The following CHODL variants were observed in gnomAD, a reference collection of about 807,000 sequenced individuals.
The protein encoded by CHODL is transmembrane protein MT75.
In CHODL, 29 loss-of-function variants were observed where a neutral mutation model predicts 34.5. That is an observed-to-expected ratio of 0.84 (90% confidence interval 0.63 to 1.15). The LOEUF (loss-of-function observed/expected upper bound fraction) is 1.15. Ranked by LOEUF, CHODL falls within the 50% of genes most tolerant of loss-of-function variation. CHODL has a pLI of 0.00. For synonymous variants in CHODL, 125 were observed against 116.1 expected, an observed-to-expected ratio of 1.08 and a Z score of -0.49; for missense variants, 332 against 332.5, an observed-to-expected ratio of 1.00 and a Z score of 0.01.
chr21:18,109,023 G>C (rs2065313813), intron 2 of CHODL, among the ~76,000 whole-genome samples: 1 of 143,312 alleles, frequency 7.0e-6, no homozygotes, highest in African/African-American at 2.6e-5. Context: ...GCAGAATGTT[G>C]ACTAAAATTT....
At chr21:18,132,070 CT>C (rs1255073704) in intron 2 of CHODL, among the ~76,000 whole-genome samples, 1 of 151,882 alleles carries the variant, frequency 6.6e-6, no homozygotes, top group Non-Finnish European at 1.5e-5. Flanking sequence ...TAATATTTCT[CT>C]TTGTCAAAGT....
chr21:18,235,134 G>A (rs1221219064), intron 2 of CHODL, among the ~76,000 whole-genome samples: 1 of 152,078 alleles, frequency 6.6e-6, no homozygotes, highest in Non-Finnish European at 1.5e-5. Flanking sequence ...TGTGAAAGCA[G>A]AATGTGGACA....
rs926302351 is a variant in CHODL at position 18,189,661 on chromosome 21, G to C, written c.-44-66848G>C. ...TTTTTTTTTTTTTTTTTGAGATAGA[G>C]TCTCGCTCTGTCACCTCGGCTGGAG... is the stretch of plus-strand genomic sequence containing the variant. On this transcript the variant is annotated intron_variant, in intron 2 of 6. Coordinates refer to the CHODL transcript ENST00000400127. Among the ~76,000 whole-genome samples, 3 of 130,636 alleles carry C rather than the reference G, an allele frequency of 2.3e-5. No individual in the cohort carries two copies. In the Admixed American group the frequency reaches 2.7e-4, roughly 12 times the overall value. 85.7% of individuals were successfully genotyped at this position (130,636 alleles called of 152,430 possible).
intron 1 of CHODL, among the ~76,000 whole-genome samples, chr21:18,251,553 ATTTATTT>A (rs1211286641): frequency 0.024 from 244 of 10,200 alleles, 9 homozygotes; most frequent in African/African-American, 0.12. Flanking sequence ...ATATATAAAT[ATTTATTT>A]TATTTATTTA....
At chr21:17,989,025 G>A (rs1219352179) in intron 1 of CHODL, among the ~76,000 whole-genome samples, 2 of 152,114 alleles carry the variant, frequency 1.3e-5, no homozygotes, top group African/African-American at 4.8e-5. Flanking sequence ...TGCCAAATGT[G>A]TCTACACATT....
intron 2 of CHODL, among the ~76,000 whole-genome samples, chr21:18,048,551 CAAAAGAAA>C (rs2064473685): frequency 6.6e-6 from 1 of 151,242 alleles, no homozygotes; most frequent in African/African-American, 2.4e-5. Flanking sequence ...TATGTAGCAG[CAAAAGAAA>C]GAAAGAAAGA....
chr21:18,170,180 C>CT (rs35539814), intron 2 of CHODL, among the ~76,000 whole-genome samples: 1 of 151,846 alleles, frequency 6.6e-6, no homozygotes, highest in Non-Finnish European at 1.5e-5. Flanking sequence ...CATAAAATAT[C>CT]TTTTTTTCTA....
chr21:17,964,948 T>C (rs552521351), intron 1 of CHODL, among the ~76,000 whole-genome samples: 1 of 152,292 alleles, frequency 6.6e-6, no homozygotes, highest in East Asian at 1.9e-4. Flanking sequence ...ACAAATAAAA[T>C]AGAAGCCAAG....
intron 2 of CHODL, among the ~76,000 whole-genome samples, chr21:18,205,737 C>CTTTTTT (rs56091373): frequency 7.9e-6 from 1 of 127,174 alleles, no homozygotes; most frequent in South Asian, 2.6e-4. Flanking sequence ...AAGGAGTATA[C>CTTTTTT]TTTTTTTTTT....
intron 2 of CHODL, among the ~76,000 whole-genome samples, chr21:18,142,185 G>A (rs1305267499): frequency 6.6e-6 from 1 of 151,934 alleles, no homozygotes; most frequent in South Asian, 2.1e-4. Flanking sequence ...TTTTAGAGAA[G>A]CAAGCTTTGG....
At chr21:18,201,800 C>CTTTTTTTTT (rs547855975) in intron 2 of CHODL, among the ~76,000 whole-genome samples, 1 of 114,412 alleles carries the variant, frequency 8.7e-6, no homozygotes, top group African/African-American at 3.4e-5. Context: ...TTTTTAAAAA[C>CTTTTTTTTT]TTTTTTTTTT....
intron 2 of CHODL, among the ~76,000 whole-genome samples, chr21:18,044,792 T>G (rs1222520639): frequency 6.6e-6 from 1 of 151,940 alleles, no homozygotes; most frequent in East Asian, 1.9e-4. Flanking sequence ...TAGCCTAAAT[T>G]TACTCCAAGT....
rs188892348 is a variant in CHODL at position 18,146,779 on chromosome 21, C to T, written c.-44-109730C>T. On this transcript the variant is annotated intron_variant, in intron 2 of 6. Transcript: ENST00000400127. ...GGCTAATCTGAGCTCTTAGTATCCCCTTGTAACCAGTATTGTAAAGAAGAA... is the reference window on the plus strand; with the variant it reads ...GGCTAATCTGAGCTCTTAGTATCCCTTTGTAACCAGTATTGTAAAGAAGAA... Among the ~76,000 whole-genome samples the T allele has an allele frequency of 3.3e-3, 509 of 152,304 alleles. 3 individuals carry two copies. Among genetic ancestry groups the T allele is most frequent in the Non-Finnish European group, 3.2e-3 (221 of 68,034 alleles).
chr21:18,138,288 A>G (rs951597635), intron 2 of CHODL, among the ~76,000 whole-genome samples: 17 of 152,152 alleles, frequency 1.1e-4, no homozygotes, highest in Admixed American at 3.3e-4. Context: ...ATTGGGGAAA[A>G]TTTCAATGCA....
chr21:18,014,448 T>A (rs937833186), intron 1 of CHODL, among the ~76,000 whole-genome samples: 4 of 152,148 alleles, frequency 2.6e-5, no homozygotes, highest in African/African-American at 9.7e-5. Flanking sequence ...GCACATAAAC[T>A]GGAAACAATA....
Position 18,245,935 on chromosome 21 carries a change from G to A in CHODL, c.79+633G>A, listed in dbSNP as rs8129789. On this transcript the variant is annotated intron_variant, in intron 1 of 5. Transcript: ENST00000299295. Reference sequence around the variant, plus strand: ...ATGAAGTCAGCTGGAGTTGGGCCGAGGTATACTTGGTAATGACTGCAGGTT... The same window carrying A: ...ATGAAGTCAGCTGGAGTTGGGCCGAAGTATACTTGGTAATGACTGCAGGTT... 4,582 of 1,535,510 alleles carry A rather than the reference G, an allele frequency of 3.0e-3. 106 individuals are homozygous for A. The African/African-American group carries it at 0.05, about 17-fold the overall frequency.
intron 1 of CHODL, among the ~76,000 whole-genome samples, chr21:18,000,073 A>G (rs571910632): frequency 6.6e-6 from 1 of 152,354 alleles, no homozygotes; most frequent in South Asian, 2.1e-4. Context: ...TTAAACACTT[A>G]AAGCGATTGC....
chr21:18,141,430 A>G (rs975970131), intron 2 of CHODL, among the ~76,000 whole-genome samples: 1 of 152,152 alleles, frequency 6.6e-6, no homozygotes, highest in Middle Eastern at 3.2e-3. Flanking sequence ...TGGAATGAAC[A>G]GCAGTAGAGA....
intron 1 of CHODL, among the ~76,000 whole-genome samples, chr21:18,026,336 A>G (rs1342147538): frequency 1.3e-5 from 2 of 152,206 alleles, no homozygotes; most frequent in African/African-American, 4.8e-5. Context: ...TTGTGGGTAA[A>G]GCCTGTAATT....
Sources: allele counts gnomAD v4.1 joint callset (sites outside exome capture counted in the v4.1 genomes callset), GRCh38; gene constraint gnomAD v4.1.1; transcripts MANE v1.5; gene names NCBI Gene and HGNC (gene_info 2026-07-23, HGNC 2026-07-21).